The following CNIH4 variants were observed in gnomAD, a reference collection of about 807,000 sequenced individuals.
CNIH4 encodes cornichon family member 4, also known as protein cornichon homolog 4.
Under a neutral mutation model 21.5 loss-of-function variants are expected in CNIH4, and 9 were observed. That is an observed-to-expected ratio of 0.42 (90% CI 0.25 to 0.73). The LOEUF (loss-of-function observed/expected upper bound fraction) is 0.73, where lower values mean the gene tolerates loss of function less well. Ranked by LOEUF, CNIH4 falls within the 30% of genes least tolerant of loss-of-function variation. CNIH4 has a pLI of 0.27. For synonymous variants in CNIH4, 67 were observed against 59.1 expected (o/e 1.13, Z -0.61); for missense variants, 159 against 170.0 (o/e 0.94, Z 0.36).
rs577643996 is a variant in CNIH4 at position 224,364,154 on chromosome 1, G to A, written c.139-1725G>A. On this transcript the variant is annotated intron_variant, in intron 2 of 4. Transcript: ENST00000465271. ...CCTGTCCCCAGTACTTTGGGAGGCC[G>A]AGGAGGGAGAATCACTTGAGCCCAG... is the stretch of plus-strand genomic sequence containing the variant. 33 of 982,432 alleles carry A rather than the reference G, an allele frequency of 3.4e-5. No homozygotes were observed. In the South Asian group the frequency reaches 9.4e-4, roughly 28 times the overall value. The allele number at this position is 982,432 out of a possible 1,614,324, so 60.9% of individuals were successfully genotyped here. A position where few individuals can be genotyped will look rare whatever the true frequency, so the allele number is the denominator to read the frequency against.
chr1:224,361,876 C>T (rs571133935), intron 2 of CNIH4, among the ~76,000 whole-genome samples: 2 of 152,176 alleles, frequency 1.3e-5, no homozygotes, highest in Admixed American at 6.5e-5. Flanking sequence ...TGAGCCACTG[C>T]GCCCAGCCTC....
At chr1:224,374,657 T>G (rs1289104159) in intron 4 of CNIH4, among the ~76,000 whole-genome samples, 2 of 152,130 alleles carry the variant, frequency 1.3e-5, no homozygotes, top group Middle Eastern at 6.3e-3. Flanking sequence ...CCCAAAGTGC[T>G]GGGATTACAG....
Position 224,358,699 on chromosome 1 carries a change from A to T in CNIH4, c.69+1706A>T, listed in dbSNP as rs76382008. ...AAAAGATTGGACACCCCTGAACTAG[A>T]GCTTATGCTCAGAAATGTAGCTGGG... On this transcript the variant is annotated intron_variant, in intron 1 of 4. Coordinates refer to ENST00000465271, the MANE Select transcript of CNIH4 (RefSeq NM_014184.4). Among the ~76,000 whole-genome samples, 13 of 152,282 alleles carry T rather than the reference A, an allele frequency of 8.5e-5. No individual in the cohort carries two copies. The East Asian group carries it at 2.5e-3, about 29-fold the overall frequency.
chr1:224,370,033 T>TA (rs1672578492), intron 3 of CNIH4, among the ~76,000 whole-genome samples: 1 of 151,320 alleles, frequency 6.6e-6, no homozygotes, highest in Non-Finnish European at 1.5e-5. Context: ...ATATAACCCA[T>TA]AAATATATAT....
chr1:224,358,627 A>G (rs1306054458), intron 1 of CNIH4, among the ~76,000 whole-genome samples: 1 of 152,046 alleles, frequency 6.6e-6, no homozygotes, highest in African/African-American at 2.4e-5. Flanking sequence ...AGTGTATTTT[A>G]TGTGTGGCCC....
chr1:224,358,986 C>A (rs1013579700), intron 1 of CNIH4, among the ~76,000 whole-genome samples: 3 of 152,124 alleles, frequency 2.0e-5, no homozygotes, highest in African/African-American at 7.2e-5. Flanking sequence ...GAACTGTGGA[C>A]AAAATCTACA....
chr1:224,366,265 C>G lies in CNIH4; in HGVS notation c.251+274C>G, dbSNP rs867504288. On this transcript the variant is annotated intron_variant, in intron 3 of 4. Transcript: ENST00000465271. ...CCATGTTGGCCCGGCTGGTCTTGAACTCCTGACCTCAGGTGATCTGCTGGT... is the reference window on the plus strand; with the variant it reads ...CCATGTTGGCCCGGCTGGTCTTGAAGTCCTGACCTCAGGTGATCTGCTGGT... 9.9e-5 allele frequency among the ~76,000 whole-genome samples: 15 copies of G among 152,252 alleles called. 1 individual carries two copies. The Middle Eastern group carries it at 0.017, about 174-fold the overall frequency.
chr1:224,363,041 TTTTCTTTTTTC>T (rs1043678379), intron 2 of CNIH4, among the ~76,000 whole-genome samples: 12 of 152,130 alleles, frequency 7.9e-5, no homozygotes, highest in Non-Finnish European at 1.3e-4. Context: ...AATTTTCTTT[TTTTCTTTTTTC>T]TTTCTTTTTG....
chr1:224,366,853 C>T (rs1672474523), intron 3 of CNIH4, among the ~76,000 whole-genome samples: 1 of 151,270 alleles, frequency 6.6e-6, no homozygotes. Context: ...GTCCCAGCTA[C>T]TTGGGAGGCT....
intron 3 of CNIH4, among the ~76,000 whole-genome samples, chr1:224,370,171 G>A (rs553492186): frequency 6.6e-6 from 1 of 152,202 alleles, no homozygotes; most frequent in Admixed American, 6.5e-5. Flanking sequence ...TGAAAGATGA[G>A]GAAGAGAGAA....
intron 1 of CNIH4, among the ~76,000 whole-genome samples, chr1:224,358,107 G>A (rs908424027): frequency 6.6e-5 from 10 of 152,162 alleles, no homozygotes; most frequent in African/African-American, 2.4e-4. Context: ...GCATCCTGTT[G>A]TAGTGGAAAG....
chr1:224,373,522 T>C (rs1672693382), intron 4 of CNIH4, among the ~76,000 whole-genome samples: 1 of 152,124 alleles, frequency 6.6e-6, no homozygotes, highest in South Asian at 2.1e-4. Context: ...GAACTCTTAG[T>C]CGTAGAATTT....
intron 2 of CNIH4, among the ~76,000 whole-genome samples, chr1:224,360,914 T>C (rs1189758194): frequency 1.3e-5 from 2 of 152,214 alleles, no homozygotes; most frequent in Admixed American, 1.3e-4. Flanking sequence ...TTTGGTTGAA[T>C]GAAAGAAGAC....
At position 224,368,759 on chromosome 1, in the gene CNIH4, C is replaced by T. The variant is rs573693365; in HGVS notation, c.252-2524C>T. 3.3e-5 allele frequency among the ~76,000 whole-genome samples: 5 copies of T among 152,032 alleles called. No individual in the cohort carries two copies. The East Asian group carries it at 9.7e-4, about 29-fold the overall frequency. ...ACAGCCTCGACCTCCTGGGCTCAAG[C>T]GATCCTCCCACCTCAGCCACCCAAC... On this transcript the variant is annotated intron_variant, in intron 3 of 4. Transcript: ENST00000465271.
intron 1 of CNIH4, among the ~76,000 whole-genome samples, chr1:224,359,297 CAAG>C (rs1000092634): frequency 3.3e-5 from 5 of 152,108 alleles, no homozygotes; most frequent in African/African-American, 1.2e-4. Flanking sequence ...GGGTTGGAAA[CAAG>C]AAAGATTGGA....
At chr1:224,369,675 AT>A (rs1193576882) in intron 3 of CNIH4, among the ~76,000 whole-genome samples, 29,791 of 127,214 alleles carry the variant, frequency 0.23, 2,716 homozygotes, top group African/African-American at 0.4. Context: ...CCCTGATGTG[AT>A]TTTTTTTTTT....
chr1:224,369,300 C>T (rs57102803), intron 3 of CNIH4, among the ~76,000 whole-genome samples: 13,410 of 152,162 alleles, frequency 0.088, 1,828 homozygotes, highest in African/African-American at 0.29. Flanking sequence ...GAGATGAGCG[C>T]AGTGGCTCAC....
Position 224,375,993 on chromosome 1 carries a change from A to G in CNIH4, c.*171A>G. 1 of 1,289,164 alleles carries G rather than the reference A, an allele frequency of 7.8e-7. No individual in the cohort carries two copies. Among genetic ancestry groups the G allele is most frequent in the Non-Finnish European group, 9.8e-7 (1 of 1,016,768 alleles). 79.9% of individuals were successfully genotyped at this position (1,289,164 alleles called of 1,614,324 possible). A position where few individuals can be genotyped will look rare whatever the true frequency, so the allele number is the denominator to read the frequency against. On this transcript the variant is annotated 3_prime_UTR_variant, in exon 5 of 5. Transcript: ENST00000465271. ...CATATAAAGTATTTAAAAAACATGA[A>G]TTGAGTTTCTGTAGATTTCTAGTTC...
intron 2 of CNIH4, chr1:224,364,450 C>T (rs1016908135): frequency 1.3e-5 from 11 of 872,072 alleles, no homozygotes; most frequent in South Asian, 5.3e-5. Flanking sequence ...ACAACAACTT[C>T]GTGAGGTAGG....
Sources: allele counts gnomAD v4.1 joint callset (sites outside exome capture counted in the v4.1 genomes callset), GRCh38; gene constraint gnomAD v4.1.1; transcripts MANE v1.5; gene names NCBI Gene and HGNC (gene_info 2026-07-23, HGNC 2026-07-21).